Variants in KCNJ15 observed in about 807,000 individuals in gnomAD.
The protein encoded by KCNJ15 is potassium inwardly rectifying channel subfamily J member 15, also known as ATP-sensitive inward rectifier potassium channel 15.
In KCNJ15, 14 loss-of-function variants were observed where a neutral mutation model predicts 23.0. That is an observed-to-expected ratio of 0.61 (90% CI 0.40 to 0.95). KCNJ15 has a LOEUF of 0.95. Among genes scored for constraint, KCNJ15 ranks in the 40% least tolerant of loss-of-function variants. KCNJ15 has a pLI of 0.00. For synonymous variants in KCNJ15, 185 were observed against 183.2 expected (o/e 1.01, Z -0.08); for missense variants, 388 against 461.8 (o/e 0.84, Z 1.46).
chr21:38,283,472 C>T (rs1001973444), intron 1 of KCNJ15, among the ~76,000 whole-genome samples: 1 of 152,192 alleles, frequency 6.6e-6, no homozygotes, highest in Non-Finnish European at 1.5e-5. Context: ...ACATATTTAG[C>T]ATTTTTTCAT....
chr21:38,278,952 C>G lies in KCNJ15; in HGVS notation c.-116-17974C>G, dbSNP rs143606915. On this transcript the variant is annotated intron_variant, in intron 1 of 2. Coordinates refer to ENST00000398938, the MANE Select transcript of KCNJ15 (RefSeq NM_170736.3). The stretch of plus-strand genomic sequence containing the variant: ...CACTGAGGAGGGACTATGAAGGATG[C>G]TATAGAGAGAGGACAACTTGAGATG... Among the ~76,000 whole-genome samples the G allele has an allele frequency of 3.2e-3, 488 of 152,218 alleles. 6 individuals carry two copies. Among genetic ancestry groups the G allele is most frequent in the African/African-American group, 0.011 (463 of 41,516 alleles).
intron 1 of KCNJ15, among the ~76,000 whole-genome samples, chr21:38,285,060 C>T (rs1407813684): frequency 6.6e-6 from 1 of 152,210 alleles, no homozygotes. Flanking sequence ...AAATTCTTGC[C>T]ACACAAACCA....
chr21:38,237,844 AG>A (rs1978717091), intron 1 of KCNJ15, among the ~76,000 whole-genome samples: 1 of 152,220 alleles, frequency 6.6e-6, no homozygotes, highest in African/African-American at 2.4e-5. Flanking sequence ...GGGACACAGC[AG>A]GGCCCAGTGA....
Position 38,267,600 on chromosome 21 carries a change from C to A in KCNJ15, c.-117+10415C>A, listed in dbSNP as rs1046199284. Among the ~76,000 whole-genome samples, 7 of 151,986 alleles carry A rather than the reference C, an allele frequency of 4.6e-5. 1 individual carries two copies. The stretch of plus-strand genomic sequence containing the variant: ...TTTCTGAGGAAGACACAGTTAATGG[C>A]GCCACCCTTGACTCATATATCAGAG... On this transcript the variant is annotated intron_variant, in intron 1 of 2. Coordinates refer to ENST00000398938, the MANE Select transcript of KCNJ15 (RefSeq NM_170736.3).
intron 1 of KCNJ15, among the ~76,000 whole-genome samples, chr21:38,233,550 TATA>T (rs1266116632): frequency 2.6e-5 from 4 of 152,176 alleles, no homozygotes; most frequent in Non-Finnish European, 4.4e-5. Context: ...ATGTTTGAAG[TATA>T]ATATTTTAAT....
At chr21:38,257,397 G>C (rs78160495) in intron 1 of KCNJ15, among the ~76,000 whole-genome samples, 6,366 of 152,250 alleles carry the variant, frequency 0.042, 186 homozygotes, top group African/African-American at 0.065. Flanking sequence ...ACAAAAAAAA[G>C]TGTTTTATTC....
intron 1 of KCNJ15, among the ~76,000 whole-genome samples, chr21:38,278,833 G>A (rs1321886980): frequency 1.3e-5 from 2 of 152,186 alleles, no homozygotes; most frequent in African/African-American, 4.8e-5. Flanking sequence ...AAGGCAGGTG[G>A]GGCCAGTTTC....
At chr21:38,230,943 G>T (rs188801352) in intron 1 of KCNJ15, among the ~76,000 whole-genome samples, 1 of 151,998 alleles carries the variant, frequency 6.6e-6, no homozygotes, top group African/African-American at 2.4e-5. Context: ...CACCATGTCA[G>T]TTTCTACAAA....
upstream of KCNJ15, among the ~76,000 whole-genome samples, chr21:38,256,365 T>TATATATATATATATATAC (rs1980239198): frequency 2.2e-5 from 2 of 92,586 alleles, no homozygotes; most frequent in Non-Finnish European, 2.1e-5. Context: ...TCAGCTTATA[T>TATATATATATATATATAC]ATATATATAT....
chr21:38,280,004 G>A (rs1216647013), intron 1 of KCNJ15, among the ~76,000 whole-genome samples: 2 of 152,284 alleles, frequency 1.3e-5, no homozygotes, highest in African/African-American at 2.4e-5. Context: ...GGCCAACTAG[G>A]TTTAAACTGG....
intron 1 of KCNJ15, among the ~76,000 whole-genome samples, chr21:38,262,202 A>G (rs1295331567): frequency 6.6e-6 from 1 of 152,246 alleles, no homozygotes; most frequent in Non-Finnish European, 1.5e-5. Context: ...TTGAAAGTTT[A>G]TGAAATTTGT....
intron 1 of KCNJ15, among the ~76,000 whole-genome samples, chr21:38,262,162 A>AG: frequency 6.6e-6 from 1 of 152,220 alleles, no homozygotes; most frequent in Non-Finnish European, 1.5e-5. Context: ...CAACCTTTAA[A>AG]GGACAAATTT....
chr21:38,269,481 T>A (rs1730845132), intron 1 of KCNJ15, among the ~76,000 whole-genome samples: 1 of 152,118 alleles, frequency 6.6e-6, no homozygotes. Context: ...TTTTCTGGGG[T>A]TGCTTCTTTC....
upstream of KCNJ15, among the ~76,000 whole-genome samples, chr21:38,254,192 A>G (rs1336432576): frequency 1.3e-5 from 2 of 152,230 alleles, no homozygotes; most frequent in Non-Finnish European, 2.9e-5. Flanking sequence ...TTGTTAAAGC[A>G]TGCTTAACAA....
At chr21:38,279,003 G>C (rs571961458) in intron 1 of KCNJ15, among the ~76,000 whole-genome samples, 1 of 152,314 alleles carries the variant, frequency 6.6e-6, no homozygotes, top group African/African-American at 2.4e-5. Context: ...AGCCTGTGCT[G>C]TCATGCAAGA....
chr21:38,292,750 C>G (rs1029915732), intron 1 of KCNJ15, among the ~76,000 whole-genome samples: 1 of 152,114 alleles, frequency 6.6e-6, no homozygotes. Context: ...GAGCAGATCA[C>G]CTGAGGTCAG....
At chr21:38,247,323 TA>T (rs1297213513) in intron 1 of KCNJ15, among the ~76,000 whole-genome samples, 2 of 146,424 alleles carry the variant, frequency 1.4e-5, no homozygotes, top group Non-Finnish European at 3.0e-5. Context: ...GATCGATGGG[TA>T]AATGGATGGA....
rs183126465 is a variant in KCNJ15, at chr21:38,289,745, A to G, written c.-116-7181A>G. Among the ~76,000 whole-genome samples, 399 of 152,254 alleles carry G rather than the reference A, an allele frequency of 2.6e-3. 2 individuals carry two copies. The highest frequency in any genetic ancestry group is 3.6e-3 in the Non-Finnish European group (242 of 68,010). On this transcript the variant is annotated intron_variant, in intron 1 of 2. Transcript: ENST00000398938. ...CAGACTCCATCTCAAAAAAGAAAAA[A>G]AGAAAATTGAGCAGTGCATTACGGA...
chr21:38,301,913 A>G lies in KCNJ15; in HGVS notation c.*1524A>G, dbSNP rs1657579982. On this transcript the variant is annotated 3_prime_UTR_variant, in exon 3 of 3. Transcript: ENST00000398938. ...CCATGAATATTCAGCCCCTGCATAC[A>G]TACAAAGATGTACGCATGATTCCCC... 1 of 165,752 alleles carries G rather than the reference A, an allele frequency of 6.0e-6. No individual in the cohort carries two copies. Among genetic ancestry groups the G allele is most frequent in the African/African-American group, 2.4e-5 (1 of 41,322 alleles). The allele number at this position is 165,752 out of a possible 1,614,324, so 10.3% of individuals were successfully genotyped here. A position where few individuals can be genotyped will look rare whatever the true frequency, so the allele number is the denominator to read the frequency against.
Sources: allele counts gnomAD v4.1 joint callset (sites outside exome capture counted in the v4.1 genomes callset), GRCh38; gene constraint gnomAD v4.1.1; transcripts MANE v1.5; gene names NCBI Gene and HGNC (gene_info 2026-07-23, HGNC 2026-07-21).